The following ALPK2 variants were observed in gnomAD, a reference collection of about 807,000 sequenced individuals.
ALPK2 encodes the protein alpha kinase 2.
A neutral mutation model predicts 163.1 loss-of-function variants in ALPK2; 127 were observed. The ratio of observed to expected loss-of-function variants is 0.78; its 90% confidence interval spans 0.67 to 0.90. The LOEUF is 0.90. ALPK2 is among the 40% of genes least tolerant of loss of function. The probability of loss-of-function intolerance (pLI) is 0.00; values close to 1 mark genes in which losing one functional copy is unlikely to be tolerated. For synonymous variants in ALPK2, 953 were observed against 959.1 expected, an observed-to-expected ratio of 0.99 and a Z score of 0.12; for missense variants, 2,360 against 2,589.6, an observed-to-expected ratio of 0.91 and a Z score of 1.92.
intron 9 of ALPK2, among the ~76,000 whole-genome samples, chr18:58,516,695 C>T (rs938543896): frequency 5.3e-5 from 8 of 152,158 alleles, no homozygotes; most frequent in African/African-American, 1.2e-4. Context: ...TGTCTCTAGG[C>T]ATTGGCTGAG....
intron 5 of ALPK2, among the ~76,000 whole-genome samples, chr18:58,533,216 T>C (rs2051625364): frequency 6.6e-6 from 1 of 152,202 alleles, no homozygotes. Flanking sequence ...ATCAAAGTCT[T>C]TGACGGCGAT....
At chr18:58,541,694 C>G (rs1159603183) in intron 4 of ALPK2, among the ~76,000 whole-genome samples, 1 of 152,192 alleles carries the variant, frequency 6.6e-6, no homozygotes, top group African/African-American at 2.4e-5. Flanking sequence ...GTGGAAGTTA[C>G]GTTGAAGCAA....
At chr18:58,519,069 C>T (rs79359283) in intron 8 of ALPK2, among the ~76,000 whole-genome samples, 2,072 of 152,186 alleles carry the variant, frequency 0.014, 22 homozygotes, top group Middle Eastern at 0.044. Flanking sequence ...AGTAACCTGT[C>T]CTAGGTTTCT....
Position 58,535,092 on chromosome 18 carries a change from G to A in ALPK2, c.5095C>T (p.Pro1699Ser). ...CCCGTCACTGCTGTGAGGGTCCCTG[G>A]CGATTTGCCTGCTCGGGCTTCCAGG... ...KSLEARAGKS[P>S]GTLTAVTGSE... Residue 1699 changes from proline (P) to serine (S), a missense_variant, in exon 5 of 13, where the codon CCA becomes TCA. Physicochemically the swap from Pro to Ser is moderately conservative, Grantham distance 74. Transcript: ENST00000361673. 1.2e-6 allele frequency: 2 copies of A among 1,614,038 alleles called. No individual in the cohort carries two copies. The highest frequency in any genetic ancestry group is 2.2e-5 in the South Asian group (2 of 91,076).
At chr18:58,600,860 C>A (rs548176159) in intron 3 of ALPK2, among the ~76,000 whole-genome samples, 1 of 152,252 alleles carries the variant, frequency 6.6e-6, no homozygotes, top group South Asian at 2.1e-4. Flanking sequence ...TGGACTGATC[C>A]CACTGGACTG....
intron 1 of ALPK2, among the ~76,000 whole-genome samples, chr18:58,613,856 C>G (rs1283426734): frequency 6.6e-6 from 1 of 152,090 alleles, no homozygotes; most frequent in East Asian, 1.9e-4. Flanking sequence ...ATTCTGCTCA[C>G]AAATGCCTCT....
At chr18:58,590,086 T>C (rs890838984) in intron 3 of ALPK2, among the ~76,000 whole-genome samples, 2 of 152,030 alleles carry the variant, frequency 1.3e-5, no homozygotes, top group African/African-American at 2.4e-5. Flanking sequence ...CCAGGTGTGG[T>C]GGCACGTGCC....
intron 1 of ALPK2, among the ~76,000 whole-genome samples, chr18:58,614,689 G>C (rs1396261965): frequency 2.0e-5 from 3 of 151,640 alleles, no homozygotes; most frequent in Non-Finnish European, 1.5e-5. Flanking sequence ...CTCCTGAGTA[G>C]TGGGGACTAG....
intron 3 of ALPK2, among the ~76,000 whole-genome samples, chr18:58,606,783 T>C (rs71357610): frequency 6.6e-6 from 1 of 152,298 alleles, no homozygotes; most frequent in South Asian, 2.1e-4. Context: ...TTCTCTCCTT[T>C]ACTTATTGAG....
chr18:58,603,466 A>G (rs2052081995), intron 3 of ALPK2, among the ~76,000 whole-genome samples: 1 of 152,214 alleles, frequency 6.6e-6, no homozygotes, highest in Non-Finnish European at 1.5e-5. Flanking sequence ...ATGAGAGAGC[A>G]GAGATGCTGC....
intron 3 of ALPK2, among the ~76,000 whole-genome samples, chr18:58,596,199 C>A (rs989547509): frequency 1.3e-5 from 2 of 152,206 alleles, no homozygotes; most frequent in African/African-American, 4.8e-5. Flanking sequence ...GGCTCAGAGA[C>A]CTGTAGTCAG....
At chr18:58,518,587 C>CT (rs1383757303) in intron 8 of ALPK2, among the ~76,000 whole-genome samples, 8 of 152,294 alleles carry the variant, frequency 5.3e-5, no homozygotes, top group African/African-American at 1.7e-4. Flanking sequence ...TGCCTTCCCT[C>CT]TATTTGCCTA....
chr18:58,558,779 G>A (rs1362762758), intron 4 of ALPK2, among the ~76,000 whole-genome samples: 1 of 152,176 alleles, frequency 6.6e-6, no homozygotes, highest in East Asian at 1.9e-4. Context: ...TCCCACATGG[G>A]TGACCCTTGG....
chr18:58,544,861 A>G (rs1288023160), intron 4 of ALPK2, among the ~76,000 whole-genome samples: 1 of 152,188 alleles, frequency 6.6e-6, no homozygotes, highest in Non-Finnish European at 1.5e-5. Flanking sequence ...CCTCCAACTA[A>G]GAAGGCTGGA....
chr18:58,571,843 G>T (rs1424842397), intron 4 of ALPK2, among the ~76,000 whole-genome samples: 1 of 151,994 alleles, frequency 6.6e-6, no homozygotes, highest in Admixed American at 6.6e-5. Context: ...AGGTGTGGTG[G>T]CAGGCGCCTG....
intron 4 of ALPK2, among the ~76,000 whole-genome samples, chr18:58,540,551 T>G (rs1469253804): frequency 1.3e-5 from 2 of 152,214 alleles, no homozygotes; most frequent in African/African-American, 4.8e-5. Flanking sequence ...GTATTTTGGT[T>G]CAGCCTTTTA....
chr18:58,504,772 G>C (rs2051453016), intron 10 of ALPK2, among the ~76,000 whole-genome samples: 1 of 152,178 alleles, frequency 6.6e-6, no homozygotes, highest in Admixed American at 6.5e-5. Context: ...GCGGTGGAGT[G>C]GGGCAGCTGT....
At chr18:58,529,385 G>C (rs1331973145) in intron 5 of ALPK2, 147 bp from the exon 6 acceptor site, 2 of 872,832 alleles carry the variant, frequency 2.3e-6, no homozygotes, top group African/African-American at 1.7e-5. Flanking sequence ...GGGAGAGGTG[G>C]CTTGCCTAAA....
At chr18:58,491,401 A>C (rs1404062419) in intron 12 of ALPK2, among the ~76,000 whole-genome samples, 7 of 152,254 alleles carry the variant, frequency 4.6e-5, no homozygotes, top group Non-Finnish European at 8.8e-5. Flanking sequence ...GCTGGAGGCT[A>C]CAAGGTTCTA....
Sources: allele counts gnomAD v4.1 joint callset (sites outside exome capture counted in the v4.1 genomes callset), GRCh38; gene constraint gnomAD v4.1.1; transcripts MANE v1.5; gene names NCBI Gene and HGNC (gene_info 2026-07-23, HGNC 2026-07-21).